The following TRPC5 variants were observed in gnomAD, a reference collection of about 807,000 sequenced individuals.
TRPC5 encodes the protein transient receptor potential cation channel subfamily C member 5.
A neutral mutation model predicts 56.5 loss-of-function variants in TRPC5; 9 were observed. The observed-to-expected ratio is 0.16, with a 90% CI of 0.10 to 0.28. The LOEUF (loss-of-function observed/expected upper bound fraction) is 0.28. Among genes scored for constraint, TRPC5 ranks in the 10% least tolerant of loss-of-function variants. TRPC5 has a pLI of 1.00. For synonymous variants in TRPC5, 282 were observed against 278.5 expected (o/e 1.01, Z -0.13); for missense variants, 469 against 748.9 (o/e 0.63, Z 4.36).
chrX:111,788,788 A>T (rs976322410), intron 7 of TRPC5, among the ~76,000 whole-genome samples: 1 of 111,854 alleles, frequency 8.9e-6, no homozygotes, highest in South Asian at 3.7e-4. Flanking sequence ...ACAGAGAGCC[A>T]AATCATGAGT....
chrX:111,960,154 A>G (rs748348027), intron 1 of TRPC5, among the ~76,000 whole-genome samples: 59 of 112,505 alleles, frequency 5.2e-4, no homozygotes, highest in African/African-American at 1.9e-3. Context: ...ATCATTGTGG[A>G]AAGTTTTATT....
intron 1 of TRPC5, among the ~76,000 whole-genome samples, chrX:112,049,422 C>T (rs1203217867): frequency 4.9e-5 from 5 of 102,216 alleles, no homozygotes; most frequent in Admixed American, 1.1e-4. Flanking sequence ...TATACACACA[C>T]GCATATATAT....
chrX:111,886,409 A>G (rs1269270489), intron 3 of TRPC5, among the ~76,000 whole-genome samples: 1 of 112,578 alleles, frequency 8.9e-6, no homozygotes, highest in African/African-American at 3.2e-5. Flanking sequence ...TCCATGTATT[A>G]TCTAAAATCT....
Position 112,023,570 on chromosome X carries a change from A to G in TRPC5, c.-22+58309T>C, listed in dbSNP as rs777560196. Among the ~76,000 whole-genome samples, 43 of 110,484 alleles carry G rather than the reference A, an allele frequency of 3.9e-4. 1 individual carries two copies. In the South Asian group the frequency reaches 0.012, roughly 31 times the overall value. On this transcript the variant is annotated intron_variant, in intron 1 of 10. Transcript: ENST00000262839. ...GGTTTATAAATCTTCTTGTCTTTGG[A>G]GCCTTGTGTCAATTTATACTATTCT...
chrX:112,062,480 C>T (rs1430104324), intron 1 of TRPC5, among the ~76,000 whole-genome samples: 1 of 111,841 alleles, frequency 8.9e-6, no homozygotes, highest in African/African-American at 3.3e-5. Context: ...GCTAGCAAGG[C>T]TTTAAAATGC....
At chrX:111,947,413 T>G (rs1224508381) in intron 2 of TRPC5, among the ~76,000 whole-genome samples, 1 of 111,645 alleles carries the variant, frequency 9.0e-6, no homozygotes, top group Non-Finnish European at 1.9e-5. Context: ...CTTGGCTCAC[T>G]GCAACCTCCG....
chrX:111,770,622 C>T lies in TRPC5; in HGVS notation c.*5691G>A, dbSNP rs1374947756. Reference sequence around the variant, plus strand: ...TCCTCACTCATCCTTACTTCAAAAGCTTTTCCAACTGTCTCTTTACTACAC... The same window carrying T: ...TCCTCACTCATCCTTACTTCAAAAGTTTTTCCAACTGTCTCTTTACTACAC... On this transcript the variant is annotated 3_prime_UTR_variant, in exon 11 of 11. Coordinates refer to ENST00000262839, the MANE Select transcript of TRPC5 (RefSeq NM_012471.3). Among the ~76,000 whole-genome samples the T allele has an allele frequency of 9.0e-6, 1 of 111,641 alleles. No individual in the cohort carries two copies. The highest frequency in any genetic ancestry group is 1.9e-5 in the Non-Finnish European group (1 of 53,127).
intron 1 of TRPC5, among the ~76,000 whole-genome samples, chrX:112,056,397 A>C (rs1930342877): frequency 8.9e-6 from 1 of 112,611 alleles, no homozygotes; most frequent in Non-Finnish European, 1.9e-5. Flanking sequence ...AATGCATTTT[A>C]AAAAGTGGTC....
At chrX:112,058,017 T>C (rs1379033582) in intron 1 of TRPC5, among the ~76,000 whole-genome samples, 1 of 111,794 alleles carries the variant, frequency 8.9e-6, no homozygotes, top group Non-Finnish European at 1.9e-5. Context: ...TTGCCCTTTC[T>C]CTAGCCCTGG....
chrX:112,064,986 A>C (rs1930546232), intron 1 of TRPC5, among the ~76,000 whole-genome samples: 2 of 108,613 alleles, frequency 1.8e-5, no homozygotes, highest in South Asian at 8.5e-4. Context: ...AGGCAGGAGA[A>C]TGGCGTGAAC....
intron 3 of TRPC5, among the ~76,000 whole-genome samples, chrX:111,869,439 A>G (rs1398480149): frequency 8.9e-6 from 1 of 111,984 alleles, no homozygotes; most frequent in Non-Finnish European, 1.9e-5. Flanking sequence ...GGCTGCCAAT[A>G]TCAATGGCAA....
intron 1 of TRPC5, among the ~76,000 whole-genome samples, chrX:111,990,517 A>G (rs953686587): frequency 1.8e-5 from 2 of 111,621 alleles, no homozygotes; most frequent in African/African-American, 6.5e-5. Flanking sequence ...ATGGAGATGC[A>G]CACTTCTCTG....
At chrX:112,061,466 A>G (rs1021506954) in intron 1 of TRPC5, among the ~76,000 whole-genome samples, 3 of 111,871 alleles carry the variant, frequency 2.7e-5, no homozygotes, top group African/African-American at 9.8e-5. Context: ...TGAGGACCAT[A>G]TTAGTCTTCA....
chrX:112,045,276 G>A (rs1349840609), intron 1 of TRPC5, among the ~76,000 whole-genome samples: 3 of 111,885 alleles, frequency 2.7e-5, no homozygotes, highest in Non-Finnish European at 5.6e-5. Context: ...TGTAGAAGAG[G>A]AATAGGTAAG....
chrX:111,964,212 G>A (rs1387690553), intron 1 of TRPC5, among the ~76,000 whole-genome samples: 1 of 112,129 alleles, frequency 8.9e-6, no homozygotes, highest in Non-Finnish European at 1.9e-5. Context: ...TCAACTGGAA[G>A]AAAGGGTATC....
At chrX:111,959,979 G>A (rs984104789) in intron 1 of TRPC5, among the ~76,000 whole-genome samples, 5 of 111,640 alleles carry the variant, frequency 4.5e-5, no homozygotes, top group East Asian at 5.7e-4. Flanking sequence ...AGTCTAGCAC[G>A]CTGTCTAGTA....
At chrX:112,065,326 G>A (rs766880790) in intron 1 of TRPC5, among the ~76,000 whole-genome samples, 49 of 111,434 alleles carry the variant, frequency 4.4e-4, no homozygotes, top group African/African-American at 6.2e-4. Flanking sequence ...CACATATTTC[G>A]TATTCATTTT....
chrX:111,901,604 C>T, intron 3 of TRPC5: 1 of 260,393 alleles, frequency 3.8e-6, no homozygotes, highest in Non-Finnish European at 6.8e-6. Context: ...CAGCAGTTCA[C>T]CATTAGTACA....
intron 7 of TRPC5, among the ~76,000 whole-genome samples, chrX:111,792,599 C>A (rs139612354): frequency 8.9e-6 from 1 of 111,994 alleles, no homozygotes; most frequent in South Asian, 3.8e-4. Flanking sequence ...GCAGTGTCCC[C>A]ACTTGCTATC....
Sources: allele counts gnomAD v4.1 joint callset (sites outside exome capture counted in the v4.1 genomes callset), GRCh38; gene constraint gnomAD v4.1.1; transcripts MANE v1.5; gene names NCBI Gene and HGNC (gene_info 2026-07-23, HGNC 2026-07-21).